CHGA: variants seen among roughly 807,000 people sequenced by gnomAD.
The protein encoded by CHGA is chromogranin A.
CHGA carries 41 observed loss-of-function variants against 54.4 expected under a neutral mutation model. The ratio of observed to expected loss-of-function variants is 0.75; its 90% CI spans 0.59 to 0.98. The LOEUF is 0.98. Among genes scored for constraint, CHGA ranks in the 50% least tolerant of loss-of-function variants. The pLI is 0.00. For missense variants in CHGA, 576 were observed against 582.3 expected (o/e 0.99, Z 0.11); for synonymous variants, 249 against 232.8 (o/e 1.07, Z -0.63).
In CHGA at chr14:92,935,185, G is replaced by A. The variant is rs138325018; in HGVS notation, c.*301G>A. 530 of 396,410 alleles carry A rather than the reference G, an allele frequency of 1.3e-3. 2 individuals carry two copies. Among genetic ancestry groups the A allele is most frequent in the African/African-American group, 0.01 (484 of 47,822 alleles). 24.6% of individuals were successfully genotyped at this position (396,410 alleles called of 1,614,324 possible). A position where few individuals can be genotyped will look rare whatever the true frequency, so the allele number is the denominator to read the frequency against. On this transcript the variant is annotated 3_prime_UTR_variant, in exon 8 of 8. Transcript: ENST00000216492. ...TCCATCCTATCCACTGGGCACAACTGCAATAACTTCTGACCTTTTGGTGAA... is the reference window on the plus strand; with the variant it reads ...TCCATCCTATCCACTGGGCACAACTACAATAACTTCTGACCTTTTGGTGAA...
intron 5 of CHGA, 71 bp downstream of exon 5, chr14:92,929,886 C>T: frequency 1.6e-6 from 2 of 1,227,908 alleles, no homozygotes; most frequent in South Asian, 1.2e-5. Flanking sequence ...TATGATGGAC[C>T]CAGGGTTCCA....
chr14:92,932,418 A>C lies in CHGA; in HGVS notation c.857A>C (p.Glu286Ala), dbSNP rs1221016355. 3.8e-6 allele frequency: 6 copies of C among 1,574,080 alleles called. No homozygotes were observed. In the Admixed American group the frequency reaches 1.1e-4, roughly 30 times the overall value. ...GATGGAGCTGGGAAGCCTGGGGCTG[A>C]GGAGGCTCAGGACCCCGAAGGGAAG... ...AVDGAGKPGA[E>A]EAQDPEGKGE... is the part of the protein sequence containing the mutation. Residue 286 changes from glutamate to alanine, a missense_variant, in exon 7 of 8, where the codon GAG becomes GCG. By Grantham distance (107) the Glu-to-Ala change is moderately radical. Transcript: ENST00000216492. The surrounding 1 kb of genome is among the most constrained non-coding windows in gnomAD (Gnocchi z 5.3).
chr14:92,927,927 A>G (rs1333193069), intron 4 of CHGA, among the ~76,000 whole-genome samples: 1 of 152,194 alleles, frequency 6.6e-6, no homozygotes, highest in African/African-American at 2.4e-5. Flanking sequence ...TGAAGTAGTG[A>G]GCCACTCGTC....
chr14:92,934,809 G>A lies in CHGA; in HGVS notation c.1299G>A (p.Glu433=). 1.3e-6 allele frequency: 2 copies of A among 1,583,014 alleles called. No individual in the cohort carries two copies. The highest frequency in any genetic ancestry group is 1.8e-5 in the Admixed American group (1 of 55,376). Reference sequence around the variant, plus strand: ...CCCAATGTCTCTCCTAGGACCAGGAGCTGGAGAGCCTGTCGGCCATTGAAG... The same window carrying A: ...CCCAATGTCTCTCCTAGGACCAGGAACTGGAGAGCCTGTCGGCCATTGAAG... ...GSANRRPEDQ[E]LESLSAIEAE... Residue 433 remains glutamate (E), a synonymous_variant, in exon 8 of 8, where the codon GAG becomes GAA. Coordinates refer to ENST00000216492, the MANE Select transcript of CHGA (RefSeq NM_001275.4).
Position 92,935,101 on chromosome 14 carries a change from C to T in CHGA, c.*217C>T. On this transcript the variant is annotated 3_prime_UTR_variant, in exon 8 of 8. Transcript: ENST00000216492. ...CATCCTTTGCAGGGCAGCCCCACAA[C>T]TTTAAACATTGACGATTCCTTCTCT... 1 of 514,850 alleles carries T rather than the reference C, an allele frequency of 1.9e-6. No homozygotes were observed. Among genetic ancestry groups the T allele is most frequent in the Non-Finnish European group, 3.4e-6 (1 of 296,654 alleles). The allele number at this position is 514,850 out of a possible 1,614,324, so 31.9% of individuals were successfully genotyped here.
intron 1 of CHGA, 41 bp from the exon 2 acceptor site, chr14:92,924,158 G>C: frequency 6.2e-7 from 1 of 1,600,228 alleles, no homozygotes. Flanking sequence ...GCCTCCACTT[G>C]GAGCAGAGGA....
chr14:92,926,464 G>C (rs1273788743), intron 2 of CHGA, 141 bp from the exon 3 acceptor site: 2 of 666,408 alleles, frequency 3.0e-6, no homozygotes, highest in Admixed American at 2.3e-5. Flanking sequence ...AAGCAGAGCT[G>C]TGTCCCTGAG....
chr14:92,935,007 C>A lies in CHGA; in HGVS notation c.*123C>A. 3.9e-6 allele frequency: 3 copies of A among 769,158 alleles called. No homozygotes were observed. Among genetic ancestry groups the A allele is most frequent in the African/African-American group, 1.8e-5 (1 of 55,136 alleles). 47.6% of individuals were successfully genotyped at this position (769,158 alleles called of 1,614,324 possible). A position where few individuals can be genotyped will look rare whatever the true frequency, so the allele number is the denominator to read the frequency against. On this transcript the variant is annotated 3_prime_UTR_variant, in exon 8 of 8. Coordinates refer to ENST00000216492, the MANE Select transcript of CHGA (RefSeq NM_001275.4). Reference sequence around the variant, plus strand: ...GTAGGGAGGCAGCCTCCAGCCTGCCCAAGCCCAGGCCACCCTATCGCCCCC... The same window carrying A: ...GTAGGGAGGCAGCCTCCAGCCTGCCAAAGCCCAGGCCACCCTATCGCCCCC...
At position 92,931,390 on chromosome 14, in the gene CHGA, A is replaced by G; in HGVS notation, c.496A>G (p.Asn166Asp). 1 of 1,612,720 alleles carries G rather than the reference A, an allele frequency of 6.2e-7. No individual in the cohort carries two copies. The highest frequency in any genetic ancestry group is 1.3e-5 in the African/African-American group (1 of 75,048). ...EPMQESKAEG[N>D]NQAPGEEEEE... Reference sequence around the variant, plus strand: ...CATGCAGGAGTCCAAGGCTGAGGGGAACAATCAGGCCCCTGGGGAGGAAGA... The same window carrying G: ...CATGCAGGAGTCCAAGGCTGAGGGGGACAATCAGGCCCCTGGGGAGGAAGA... The change falls in exon 6 of 8, where the codon AAC becomes GAC. Residue 166 changes from asparagine to aspartate, a missense_variant. Transcript: ENST00000216492.
chr14:92,932,952 C>T lies in CHGA; in HGVS notation c.1290+101C>T, dbSNP rs543676356. The T allele has an allele frequency of 1.9e-4, 273 of 1,416,720 alleles. 1 individual carries two copies. In the East Asian group the frequency reaches 6.7e-3, roughly 35 times the overall value. 87.8% of individuals were successfully genotyped at this position (1,416,720 alleles called of 1,614,324 possible). ...CCTGCCCCACTGAGGGGACAGGGCC[C>T]CCCCGCCGAAGTCTGGGGATGGAGA... On this transcript the variant is annotated intron_variant, in intron 7 of 7. Coordinates refer to ENST00000216492, the MANE Select transcript of CHGA (RefSeq NM_001275.4). The surrounding 1 kb of genome is among the most constrained non-coding windows in gnomAD (Gnocchi z 5.3).
intron 7 of CHGA, 58 bp from the exon 8 acceptor site, chr14:92,934,743 C>T: frequency 1.4e-6 from 2 of 1,379,858 alleles, no homozygotes; most frequent in Non-Finnish European, 2.0e-6. Context: ...TTCTGGCTTA[C>T]TGTGCCTTCC....
chr14:92,925,724 C>T (rs1009867046), intron 2 of CHGA, among the ~76,000 whole-genome samples: 1 of 152,152 alleles, frequency 6.6e-6, no homozygotes, highest in African/African-American at 2.4e-5. Flanking sequence ...GCTGACACTC[C>T]ATGCTTGAAA....
chr14:92,932,632 G>T lies in CHGA; in HGVS notation c.1071G>T (p.Arg357=). 6.3e-7 allele frequency: 1 copy of T among 1,593,054 alleles called. No individual in the cohort carries two copies. The highest frequency in any genetic ancestry group is 8.5e-7 in the Non-Finnish European group (1 of 1,171,742). The part of the protein sequence containing the change: ...QLAKELTAEK[R]LEGQEEEEDN... The stretch of plus-strand genomic sequence containing the variant: ...CCAAGGAGCTGACGGCTGAGAAGCG[G>T]CTGGAGGGGCAGGAGGAGGAGGAGG... Residue 357 remains arginine, a synonymous_variant, in exon 7 of 8, where the codon CGG becomes CGT. Transcript: ENST00000216492. The surrounding 1 kb of genome is among the most constrained non-coding windows in gnomAD (Gnocchi z 5.3).
At chr14:92,931,971 C>G (rs576071084) in intron 6 of CHGA, among the ~76,000 whole-genome samples, 44 of 152,306 alleles carry the variant, frequency 2.9e-4, no homozygotes, top group Admixed American at 1.4e-3. Flanking sequence ...AGCCTCCCCC[C>G]ACCAACCCCA....
At chr14:92,934,734 T>C (rs1887082446) in intron 7 of CHGA, 67 bp from the exon 8 acceptor site, 2 of 1,278,388 alleles carry the variant, frequency 1.6e-6, no homozygotes, top group Non-Finnish European at 2.2e-6. Flanking sequence ...CCAGCGCCTT[T>C]CTGGCTTACT....
Position 92,935,109 on chromosome 14 carries a change from A to C in CHGA, c.*225A>C. ...GCAGGGCAGCCCCACAACTTTAAAC[A>C]TTGACGATTCCTTCTCTGAACACAG... On this transcript the variant is annotated 3_prime_UTR_variant, in exon 8 of 8. Coordinates refer to ENST00000216492, the MANE Select transcript of CHGA (RefSeq NM_001275.4). 1 of 500,298 alleles carries C rather than the reference A, an allele frequency of 2.0e-6. No homozygotes were observed. The highest frequency in any genetic ancestry group is 3.5e-5 in the East Asian group (1 of 28,178). The allele number at this position is 500,298 out of a possible 1,614,324, so 31.0% of individuals were successfully genotyped here. A position where few individuals can be genotyped will look rare whatever the true frequency, so the allele number is the denominator to read the frequency against.
chr14:92,931,726 A>G (rs1370580965), intron 6 of CHGA, 24 bp downstream of exon 6: 3 of 1,538,246 alleles, frequency 2.0e-6, no homozygotes, highest in Admixed American at 3.8e-5. Flanking sequence ...CGAAGACCTC[A>G]ACGAACGTGT....
chr14:92,928,015 T>G (rs1267181652), intron 4 of CHGA, among the ~76,000 whole-genome samples: 11 of 152,360 alleles, frequency 7.2e-5, no homozygotes, highest in Admixed American at 7.2e-4. Context: ...AGTTAGCCTC[T>G]ATGCCCAGCC....
intron 4 of CHGA, among the ~76,000 whole-genome samples, chr14:92,928,794 G>A (rs1367518381): frequency 6.6e-6 from 1 of 152,118 alleles, no homozygotes; most frequent in African/African-American, 2.4e-5. Flanking sequence ...ACAGATTCCT[G>A]GATGTATTTC....
Sources: gnomAD v4.1 joint callset for allele counts (sites outside exome capture counted in the v4.1 genomes callset) on GRCh38, gnomAD v4.1.1 for gene constraint, Gnocchi (gnomAD v3.1) non-coding constraint, MANE v1.5 for transcripts, NCBI Gene and HGNC (gene_info 2026-07-23, HGNC 2026-07-21) for gene names.